The following RAPH1 variants were observed in gnomAD, a reference collection of about 807,000 sequenced individuals.
The protein encoded by RAPH1 is ras-associated and pleckstrin homology domains-containing protein 1.
RAPH1 carries 18 observed loss-of-function variants against 88.1 expected under a neutral mutation model. That is an observed-to-expected ratio of 0.20 (90% CI 0.14 to 0.30). RAPH1 has a LOEUF of 0.30. Ranked by LOEUF, RAPH1 falls within the 10% of genes least tolerant of loss-of-function variation. The pLI, the probability that RAPH1 is intolerant of heterozygous loss-of-function variation, is 1.00. For missense variants in RAPH1, 1,448 were observed against 1,543.2 expected (o/e 0.94, Z 1.03); for synonymous variants, 587 against 559.0 (o/e 1.05, Z -0.71).
rs2098518128 is a variant in RAPH1, at chr2:203,455,031, C to T, written c.1302+406G>A. Among the ~76,000 whole-genome samples the T allele has an allele frequency of 2.6e-5, 4 of 152,172 alleles. No individual in the cohort carries two copies. The South Asian group carries it at 8.3e-4, about 32-fold the overall frequency. On this transcript the variant is annotated intron_variant, in intron 9 of 13. Coordinates refer to ENST00000319170, the MANE Select transcript of RAPH1 (RefSeq NM_213589.3). ...ATACTGTAAAAAAGTTTAAAACAGT[C>T]CTGGTGCCAATAAGCACCGAAGTGA...
Position 203,518,466 on chromosome 2 carries a change from C to T in RAPH1, c.-1+16645G>A, listed in dbSNP as rs558143439. Among the ~76,000 whole-genome samples the T allele has an allele frequency of 3.1e-4, 47 of 151,088 alleles. 1 individual carries two copies. In the South Asian group the frequency reaches 9.2e-3, roughly 30 times the overall value. ...GTAGGAGGTGGAGGTTGTAGTGAGC[C>T]GAGATCGCACCACTGCACTCCAGCC... On this transcript the variant is annotated intron_variant, in intron 1 of 13. Transcript: ENST00000319170.
chr2:203,487,390 CT>C (rs1338633607), intron 4 of RAPH1, among the ~76,000 whole-genome samples: 14 of 147,132 alleles, frequency 9.5e-5, no homozygotes, highest in African/African-American at 1.7e-4. Context: ...TTTTTTTTTC[CT>C]TTTTTTTTTG....
At chr2:203,490,150 A>T in intron 3 of RAPH1, 61 bp from the exon 4 acceptor site, 2 of 1,431,704 alleles carry the variant, frequency 1.4e-6, no homozygotes, top group Non-Finnish European at 1.9e-6. Context: ...ATCAGTTAAT[A>T]AATGCAGGTG....
intron 13 of RAPH1, chr2:203,443,817 C>T (rs1434588940): frequency 2.0e-5 from 3 of 151,836 alleles, no homozygotes; most frequent in Non-Finnish European, 4.4e-5. Flanking sequence ...TTGTCTCTAC[C>T]AAAAAATAAA....
At position 203,459,942 on chromosome 2, in the gene RAPH1, G is replaced by A. The variant is rs148029808; in HGVS notation, c.1057C>T (p.Arg353Cys). 828 of 1,612,390 alleles carry A rather than the reference G, an allele frequency of 5.1e-4. No individual in the cohort carries two copies. The highest frequency in any genetic ancestry group is 6.5e-4 in the Non-Finnish European group (765 of 1,178,936). Residue 353 changes from arginine to cysteine, a missense_variant, in exon 7 of 14, where the codon CGT (arginine) becomes TGT (cysteine). This residue lies in a region of RAPH1 where 513 missense variants were observed against 653.1 expected (regional missense o/e 0.79). Transcript: ENST00000319170. ...TTGAAAAGTGCATATTTTTCTATAC[G>A]CTCCATAAATATAAGCTTGTTTTGG... ...DSQNKLIFME[R>C]IEKYALFKNP...
chr2:203,470,267 G>A, intron 4 of RAPH1: 2 of 1,612,672 alleles, frequency 1.2e-6, no homozygotes, highest in African/African-American at 2.7e-5. Context: ...AGGTTTTCCT[G>A]CAATGTTTCT....
chr2:203,441,357 C>T lies in RAPH1; in HGVS notation c.1833G>A (p.Pro611=), dbSNP rs1012994657. Residue 611 remains proline (P), a synonymous_variant, in exon 14 of 14, where the codon CCG becomes CCA. Transcript: ENST00000319170. Reference sequence around the variant, plus strand: ...TGTAGGGGGTGACTATCTTAGGTTGCGGGGATAAAGGGGGCACAAGTGAAG... The same window carrying T: ...TGTAGGGGGTGACTATCTTAGGTTGTGGGGATAAAGGGGGCACAAGTGAAG... The part of the protein sequence containing the change: ...PYTSLVPPLS[P]QPKIVTPYTA... 37 of 1,564,788 alleles carry T rather than the reference C, an allele frequency of 2.4e-5. 1 individual carries two copies. The highest frequency in any genetic ancestry group is 1.4e-4 in the East Asian group (6 of 43,792).
intron 2 of RAPH1, among the ~76,000 whole-genome samples, chr2:203,493,865 G>GGA (rs1688382573): frequency 1.3e-5 from 2 of 151,138 alleles, no homozygotes; most frequent in South Asian, 4.2e-4. Flanking sequence ...CAGCTACCTG[G>GGA]GAGGCTGAGA....
At position 203,459,895 on chromosome 2, in the gene RAPH1, GT is replaced by G. The variant is rs1391608098; in HGVS notation, c.1092+11del. ...TTACAAATCCTGACCTCTGTAAGTT[GT>G]TTGGTCTTACCTGTGGGTTTTTGAA... On this transcript the variant is annotated intron_variant, in intron 7 of 13. Transcript: ENST00000319170. 1 of 1,608,604 alleles carries G rather than the reference GT, an allele frequency of 6.2e-7. No homozygotes were observed. The highest frequency in any genetic ancestry group is 1.7e-5 in the Admixed American group (1 of 58,852).
chr2:203,506,866 A>ATCTATATATC (rs1553630572), intron 1 of RAPH1, among the ~76,000 whole-genome samples: 2 of 90,680 alleles, frequency 2.2e-5, no homozygotes, highest in African/African-American at 1.1e-4. Flanking sequence ...CTATATATAT[A>ATCTATATATC]TATATATATA....
At position 203,523,622 on chromosome 2, in the gene RAPH1, T is replaced by C. The variant is rs898977150; in HGVS notation, c.-1+11489A>G. On this transcript the variant is annotated intron_variant, in intron 1 of 13. Transcript: ENST00000319170. ...AACTTTGGTGTAGGCAAAAATTTAT[T>C]AGGGCACAAACGACACTAACCATAA... 5.3e-5 allele frequency among the ~76,000 whole-genome samples: 8 copies of C among 152,190 alleles called. No individual in the cohort carries two copies. The East Asian group carries it at 1.5e-3, about 29-fold the overall frequency.
chr2:203,502,567 AG>A (rs1386567013), intron 1 of RAPH1, among the ~76,000 whole-genome samples: 3 of 152,210 alleles, frequency 2.0e-5, no homozygotes, highest in African/African-American at 7.2e-5. Flanking sequence ...TGAACCCCTT[AG>A]AAAAAGAATT....
chr2:203,458,172 C>G (rs2098521341), intron 7 of RAPH1, among the ~76,000 whole-genome samples: 3 of 152,120 alleles, frequency 2.0e-5, no homozygotes, highest in Non-Finnish European at 4.4e-5. Context: ...AAGTTCAAGA[C>G]CAGCCTGACC....
Position 203,448,727 on chromosome 2 carries a change from A to G in RAPH1, c.1512+11T>C. ...CTCATTATTCCATCATCAAATCAAA[A>G]GGAGACATGCCTTTGCAATGCGGAT... On this transcript the variant is annotated intron_variant, in intron 11 of 13. Transcript: ENST00000319170. This position sits in a 1 kb window ranked among gnomAD's most constrained non-coding sequence, Gnocchi z 4.1. 1 of 1,553,824 alleles carries G rather than the reference A, an allele frequency of 6.4e-7. No individual in the cohort carries two copies. The highest frequency in any genetic ancestry group is 8.8e-7 in the Non-Finnish European group (1 of 1,138,648).
At position 203,441,422 on chromosome 2, in the gene RAPH1, A is replaced by C; in HGVS notation, c.1777-9T>G. On this transcript the variant is annotated splice_polypyrimidine_tract_variant and intron_variant, in intron 13 of 13. Transcript: ENST00000319170. The stretch of plus-strand genomic sequence containing the variant: ...ATAGACTCCATTCTGGCCTAAAAGG[A>C]GTATAAAAAGGGAGTGGGAGAGAGA... The C allele has an allele frequency of 6.6e-7, 1 of 1,522,696 alleles. No individual in the cohort carries two copies. The highest frequency in any genetic ancestry group is 1.3e-5 in the South Asian group (1 of 74,186). The allele number at this position is 1,522,696 out of a possible 1,614,324, so 94.3% of individuals were successfully genotyped here. A position where few individuals can be genotyped will look rare whatever the true frequency, so the allele number is the denominator to read the frequency against.
At chr2:203,461,486 A>C in intron 5 of RAPH1, 78 bp from the exon 6 acceptor site, 1 of 1,084,810 alleles carries the variant, frequency 9.2e-7, no homozygotes, top group Middle Eastern at 2.2e-4. Context: ...ATATCAAATA[A>C]AATTTGGATT....
At position 203,495,306 on chromosome 2, in the gene RAPH1, G is replaced by A; in HGVS notation, c.48C>T (p.Asp16=). The A allele has an allele frequency of 6.2e-7, 1 of 1,613,914 alleles. No individual in the cohort carries two copies. Among genetic ancestry groups the A allele is most frequent in the Non-Finnish European group, 8.5e-7 (1 of 1,179,904 alleles). ...DEEIDHGAEE[D]SDKEDQDLDK... ...CCAGGTCCTGATCTTCCTTGTCACT[G>A]TCTTCTTCAGCACCATGATCAATTT... Residue 16 remains aspartate, a synonymous_variant, in exon 2 of 14, where the codon GAC becomes GAT. Transcript: ENST00000319170.
At position 203,448,689 on chromosome 2, in the gene RAPH1, C is replaced by A. The variant is rs778477434; in HGVS notation, c.1512+49G>T. On this transcript the variant is annotated intron_variant, in intron 11 of 13. Transcript: ENST00000319170. This position sits in a 1 kb window ranked among gnomAD's most constrained non-coding sequence, Gnocchi z 4.1. ...GTTGTCATGAAAACGAAAACTATAT[C>A]ATCGACAAACACCTCATTATTCCAT... 3.1e-6 allele frequency: 4 copies of A among 1,297,528 alleles called. No individual in the cohort carries two copies. Among genetic ancestry groups the A allele is most frequent in the Admixed American group, 4.2e-5 (2 of 47,966 alleles). 80.4% of individuals were successfully genotyped at this position (1,297,528 alleles called of 1,614,324 possible).
intron 1 of RAPH1, among the ~76,000 whole-genome samples, chr2:203,510,943 T>TA (rs963110748): frequency 2.0e-5 from 3 of 151,904 alleles, no homozygotes; most frequent in Admixed American, 6.6e-5. Context: ...TATCTCAATT[T>TA]AAAAAAAACT....
Sources: allele counts gnomAD v4.1 joint callset (sites outside exome capture counted in the v4.1 genomes callset), GRCh38; gene constraint gnomAD v4.1.1; regional missense constraint gnomAD v4.1.1; non-coding constraint Gnocchi (gnomAD v3.1); transcripts MANE v1.5; gene names NCBI Gene and HGNC (gene_info 2026-07-23, HGNC 2026-07-21).